RYR3: variants seen among roughly 807,000 people sequenced by gnomAD.
RYR3 encodes brain ryanodine receptor-calcium release channel.
In RYR3, 207 loss-of-function variants were observed where a neutral mutation model predicts 584.3. The ratio of observed to expected loss-of-function variants is 0.35; its 90% CI spans 0.32 to 0.40. The LOEUF is 0.40. RYR3 is among the 10% of genes least tolerant of loss of function. The pLI is 1.00. For synonymous variants in RYR3, 2,416 were observed against 2,248.5 expected (o/e 1.07, Z -2.11); for missense variants, 5,616 against 6,089.2 (o/e 0.92, Z 2.59).
At chr15:33,820,726 C>T (rs2077059189) in intron 77 of RYR3, 30 bp from the exon 78 acceptor site, 2 of 1,581,634 alleles carry the variant, frequency 1.3e-6, no homozygotes, top group African/African-American at 1.3e-5. Context: ...GATTGTCTGT[C>T]TTCTCCCTTC....
At chr15:33,856,186 C>T (rs1266041441) in intron 98 of RYR3, 4 of 152,282 alleles carry the variant, frequency 2.6e-5, no homozygotes, top group Non-Finnish European at 5.9e-5. Context: ...ATGCAAAGTC[C>T]AAGTTCTTTC....
At position 33,472,675 on chromosome 15, in the gene RYR3, T is replaced by C. The variant is rs141074035; in HGVS notation, c.52-744T>C. 3.2e-4 allele frequency among the ~76,000 whole-genome samples: 48 copies of C among 152,274 alleles called. No homozygotes were observed. The East Asian group carries it at 6.4e-3, about 20-fold the overall frequency. On this transcript the variant is annotated intron_variant, in intron 1 of 103. Transcript: ENST00000634891. ...AGGGAGGGTTGTGCAAGAAAATGTT[T>C]TGGTGTAGATGGAGGGCTGCCTCTT...
intron 1 of RYR3, among the ~76,000 whole-genome samples, chr15:33,331,787 A>T (rs555783838): frequency 6.6e-6 from 1 of 152,238 alleles, no homozygotes; most frequent in South Asian, 2.1e-4. Context: ...TTAAATTAAA[A>T]TAAAGTGATA....
chr15:33,447,015 C>T (rs1006439497), intron 1 of RYR3, among the ~76,000 whole-genome samples: 16 of 152,198 alleles, frequency 1.1e-4, no homozygotes, highest in Non-Finnish European at 2.2e-4. Flanking sequence ...TCTCACCCTG[C>T]ACCACAGTTC....
chr15:33,742,184 C>T (rs187633611), intron 51 of RYR3, among the ~76,000 whole-genome samples, 182 bp from the exon 52 acceptor site: 1 of 152,320 alleles, frequency 6.6e-6, no homozygotes, highest in East Asian at 1.9e-4. Flanking sequence ...CGTGACCTAA[C>T]CCTGGCTATG....
At position 33,682,930 on chromosome 15, in the gene RYR3, G is replaced by A. The variant is rs543179167; in HGVS notation, c.5860+12374G>A. Among the ~76,000 whole-genome samples the A allele has an allele frequency of 2.6e-5, 4 of 152,174 alleles. No homozygotes were observed. The South Asian group carries it at 8.3e-4, about 32-fold the overall frequency. On this transcript the variant is annotated intron_variant, in intron 38 of 103. Coordinates refer to ENST00000634891, the MANE Select transcript of RYR3 (RefSeq NM_001036.6). ...AGACGGGCCATACCTTGTGGCAAAT[G>A]GTAGATTTAACCTCTTCACCTCAAT...
intron 1 of RYR3, among the ~76,000 whole-genome samples, chr15:33,402,776 T>C (rs905628392): frequency 6.6e-6 from 1 of 152,238 alleles, no homozygotes; most frequent in African/African-American, 2.4e-5. Flanking sequence ...TCTGCTGGGA[T>C]ATCAAATTTG....
chr15:33,635,798 C>T lies in RYR3; in HGVS notation c.3360C>T (p.Ala1120=), dbSNP rs768969405. 2 of 1,612,974 alleles carry T rather than the reference C, an allele frequency of 1.2e-6. No individual in the cohort carries two copies. Among genetic ancestry groups the T allele is most frequent in the South Asian group, 1.1e-5 (1 of 90,848 alleles). Residue 1120 remains alanine, a synonymous_variant, in exon 26 of 104, where the codon GCC becomes GCT. Coordinates refer to ENST00000634891, the MANE Select transcript of RYR3 (RefSeq NM_001036.6). ...TCGAGCTGGGGGCCGATGACCAAGCCTTTGTGTTTGAAGGCAACAGGGTGA... is the reference window on the plus strand; with the variant it reads ...TCGAGCTGGGGGCCGATGACCAAGCTTTTGTGTTTGAAGGCAACAGGGTGA... The part of the protein sequence containing the change: ...PDVELGADDQ[A]FVFEGNRGQR...
At chr15:33,660,693 T>C (rs1234100082) in intron 34 of RYR3, among the ~76,000 whole-genome samples, 1 of 152,208 alleles carries the variant, frequency 6.6e-6, no homozygotes, top group African/African-American at 2.4e-5. Flanking sequence ...AATTAAAAAC[T>C]AGTTTACCTT....
intron 1 of RYR3, among the ~76,000 whole-genome samples, chr15:33,391,541 A>G (rs1452267877): frequency 6.6e-6 from 1 of 151,496 alleles, no homozygotes; most frequent in Non-Finnish European, 1.5e-5. Flanking sequence ...CAGGAGAATG[A>G]CGTGAACCTG....
intron 1 of RYR3, among the ~76,000 whole-genome samples, chr15:33,433,717 AGCTAGTACATTTCAG>A (rs1349970716): frequency 4.6e-5 from 7 of 152,220 alleles, no homozygotes; most frequent in Non-Finnish European, 1.0e-4. Flanking sequence ...CTTACTGGGT[AGCTAGTACATTTCAG>A]GCTTTCAATG....
chr15:33,829,988 T>C (rs889773558), intron 85 of RYR3, among the ~76,000 whole-genome samples: 2 of 152,212 alleles, frequency 1.3e-5, no homozygotes, highest in Non-Finnish European at 2.9e-5. Flanking sequence ...AACGAAGAGT[T>C]TCCTCTCATG....
chr15:33,348,268 G>A (rs1372668164), intron 1 of RYR3, among the ~76,000 whole-genome samples: 1 of 152,154 alleles, frequency 6.6e-6, no homozygotes, highest in Non-Finnish European at 1.5e-5. Flanking sequence ...ACCCCTGTGG[G>A]AAACAACTTC....
chr15:33,805,615 C>T (rs200965218), intron 69 of RYR3, among the ~76,000 whole-genome samples: 2 of 151,838 alleles, frequency 1.3e-5, no homozygotes, highest in Admixed American at 6.6e-5. Flanking sequence ...GTAGCTGGGA[C>T]TACAGGTGCC....
intron 1 of RYR3, among the ~76,000 whole-genome samples, chr15:33,403,607 A>ATTCT (rs10649984): frequency 0.18 from 28,022 of 152,076 alleles, 5,253 homozygotes; most frequent in African/African-American, 0.49. Context: ...CAGAATAATA[A>ATTCT]TTGACAACTT....
At chr15:33,600,093 C>G (rs1156243259) in intron 16 of RYR3, among the ~76,000 whole-genome samples, 1 of 152,188 alleles carries the variant, frequency 6.6e-6, no homozygotes, top group Non-Finnish European at 1.5e-5. Context: ...CAAGTTTCCA[C>G]AGTTGATGTC....
chr15:33,501,805 C>T (rs1407098863), intron 2 of RYR3, among the ~76,000 whole-genome samples: 1 of 152,196 alleles, frequency 6.6e-6, no homozygotes, highest in Non-Finnish European at 1.5e-5. Flanking sequence ...ATTTCCTGGA[C>T]ATGAAGCTCT....
chr15:33,778,418 G>A (rs1323182146), intron 64 of RYR3, among the ~76,000 whole-genome samples: 4 of 152,194 alleles, frequency 2.6e-5, no homozygotes, highest in African/African-American at 9.6e-5. Flanking sequence ...ATTGCCTCTT[G>A]TGAATGCCTG....
intron 60 of RYR3, chr15:33,757,885 G>A (rs1006964853): frequency 4.7e-5 from 18 of 383,252 alleles, no homozygotes; most frequent in African/African-American, 3.7e-4. Flanking sequence ...CTGGTCTGTA[G>A]CTCCCAGCGA....
Sources: allele counts gnomAD v4.1 joint callset (sites outside exome capture counted in the v4.1 genomes callset), GRCh38; gene constraint gnomAD v4.1.1; transcripts MANE v1.5; gene names NCBI Gene and HGNC (gene_info 2026-07-23, HGNC 2026-07-21).